The following SF3B1 variants were observed in gnomAD, a reference collection of about 807,000 sequenced individuals.
The protein encoded by SF3B1 is pre-mRNA processing 10.
Under a neutral mutation model 153.8 loss-of-function variants are expected in SF3B1, and 12 were observed. The observed-to-expected ratio is 0.08, with a 90% CI of 0.05 to 0.13. The LOEUF (loss-of-function observed/expected upper bound fraction) is 0.13, where lower values mean the gene tolerates loss of function less well. Among genes scored for constraint, SF3B1 ranks in the 10% least tolerant of loss-of-function variants. The pLI is 1.00. For missense variants in SF3B1, 513 were observed against 1,606.1 expected (o/e 0.32, Z 11.63); for synonymous variants, 498 against 525.2 (o/e 0.95, Z 0.71).
In SF3B1 at chr2:197,392,398, T is replaced by G; in HGVS notation, c.3820A>C (p.Ile1274Leu). The G allele has an allele frequency of 6.2e-7, 1 of 1,613,022 alleles. No homozygotes were observed. The highest frequency in any genetic ancestry group is 1.3e-5 in the African/African-American group (1 of 74,998). ...GCTATGAGAGCGTCCTGGGAACCAA[T>G]GTAGATGGAGTTGTAAATTTTCCAA... ...VYWKIYNSIY[I>L]GSQDALIAHY... Residue 1274 changes from isoleucine (I) to leucine (L), a missense_variant, in exon 25 of 25, where the codon ATT becomes CTT. By Grantham distance (5) the Ile-to-Leu change is conservative. Around this residue, in one of 21 missense-constraint regions of SF3B1, gnomAD observed 33 missense variants for 43.5 expected, o/e 0.76. Coordinates refer to ENST00000335508, the MANE Select transcript of SF3B1 (RefSeq NM_012433.4).
intron 1 of SF3B1, among the ~76,000 whole-genome samples, chr2:197,430,963 A>AT (rs1057089987): frequency 2.0e-5 from 3 of 152,146 alleles, no homozygotes; most frequent in Non-Finnish European, 4.4e-5. Context: ...GGCCTCCTGT[A>AT]TTTTAAAACT....
chr2:197,398,558 T>C lies in SF3B1; in HGVS notation c.3037A>G (p.Ile1013Val). 6.2e-7 allele frequency: 1 copy of C among 1,613,498 alleles called. No individual in the cohort carries two copies. The change falls in exon 21 of 25, where the codon ATT becomes GTT. Residue 1013 changes from isoleucine to valine, a missense_variant. Ile to Val is a conservative substitution (Grantham distance 29). Around this residue, in one of 21 missense-constraint regions of SF3B1, gnomAD observed 17 missense variants for 246.2 expected, o/e 0.07. Transcript: ENST00000335508. ...GTGAGTCTAGGCAGCAGATCTTTAATTGGTGGAGTCATCTTATGCATACCT... is the reference window on the plus strand; with the variant it reads ...GTGAGTCTAGGCAGCAGATCTTTAACTGGTGGAGTCATCTTATGCATACCT... The part of the protein sequence containing the change: ...VIGMHKMTPP[I>V]KDLLPRLTPI...
chr2:197,407,225 G>A (rs867477296), intron 9 of SF3B1, among the ~76,000 whole-genome samples: 5 of 152,072 alleles, frequency 3.3e-5, no homozygotes, highest in South Asian at 4.1e-4. Context: ...TCAGCTATAC[G>A]ACCACAGACT....
intron 20 of SF3B1, among the ~76,000 whole-genome samples, chr2:197,399,278 T>C (rs780475742): frequency 2.0e-5 from 3 of 152,196 alleles, no homozygotes; most frequent in Non-Finnish European, 2.9e-5. Flanking sequence ...AGTTTAAACA[T>C]GTGTATCGCA....
intron 5 of SF3B1, among the ~76,000 whole-genome samples, chr2:197,417,986 A>G (rs971870666): frequency 1.3e-5 from 2 of 151,878 alleles, no homozygotes; most frequent in African/African-American, 4.8e-5. Context: ...CTGTAATCCC[A>G]GCACTTTGGC....
intron 9 of SF3B1, 64 bp from the exon 10 acceptor site, chr2:197,405,536 T>C: frequency 8.8e-7 from 1 of 1,136,404 alleles, no homozygotes; most frequent in Non-Finnish European, 1.3e-6. Flanking sequence ...ATGAACAATA[T>C]TTGCACTTAA....
intron 1 of SF3B1, among the ~76,000 whole-genome samples, chr2:197,430,657 T>C (rs1463685684): frequency 6.6e-6 from 1 of 152,226 alleles, no homozygotes; most frequent in East Asian, 1.9e-4. Context: ...TTTCACCATG[T>C]TGATCAAGCT....
chr2:197,401,937 C>T lies in SF3B1; in HGVS notation c.2223+48G>A, dbSNP rs10193750. 5,337 of 1,594,004 alleles carry T rather than the reference C, an allele frequency of 3.3e-3. 137 individuals are homozygous for T. In the African/African-American group the frequency reaches 0.06, roughly 18 times the overall value. ...GTACTTTAGTAATTTAGATTTATGT[C>T]GCCTTAACTTTAATGAAGATAAATC... On this transcript the variant is annotated intron_variant, in intron 15 of 24. Coordinates refer to ENST00000335508, the MANE Select transcript of SF3B1 (RefSeq NM_012433.4). This position sits in a 1 kb window ranked among gnomAD's most constrained non-coding sequence, Gnocchi z 4.2.
rs1559268806 is a variant in SF3B1 at position 197,408,482 on chromosome 2, T to A, written c.1004A>T (p.Lys335Ile). The change falls in exon 8 of 25, where the codon AAA becomes ATA. Residue 335 changes from lysine to isoleucine, a missense_variant. Lys to Ile is a moderately radical substitution (Grantham distance 102). Around this residue, in one of 21 missense-constraint regions of SF3B1, gnomAD observed 91 missense variants for 157.4 expected, o/e 0.58. Coordinates refer to ENST00000335508, the MANE Select transcript of SF3B1 (RefSeq NM_012433.4). ...AGCTGGTGTTTCATCCCACCGTGAT[T>A]TTCTTTTACTGGCTCCAGGAGTCGG... ...ETPTPGASKR[K>I]SRWDETPASQ... is the part of the protein sequence containing the mutation. 6.2e-7 allele frequency: 1 copy of A among 1,613,926 alleles called. No individual in the cohort carries two copies. Among genetic ancestry groups the A allele is most frequent in the Non-Finnish European group, 8.5e-7 (1 of 1,180,040 alleles).
In SF3B1 at chr2:197,400,203, TACATTAA is replaced by T. The variant is rs747810184; in HGVS notation, c.2901+42_2902-38del. 4 of 1,607,162 alleles carry T rather than the reference TACATTAA, an allele frequency of 2.5e-6. No homozygotes were observed. Among genetic ancestry groups the T allele is most frequent in the Non-Finnish European group, 2.6e-6 (3 of 1,174,136 alleles). ...CAAATAATGTTAAAATGTTACTATT[TACATTAA>T]ACTATTTGGGGAAGAAGTAAGAATT... is the stretch of plus-strand genomic sequence containing the variant. On this transcript the variant is annotated intron_variant, in intron 19 of 24. Coordinates refer to ENST00000335508, the MANE Select transcript of SF3B1 (RefSeq NM_012433.4). This position sits in a 1 kb window ranked among gnomAD's most constrained non-coding sequence, Gnocchi z 5.0.
At chr2:197,416,702 A>T (rs762249018) in intron 6 of SF3B1, 39 bp downstream of exon 6, 8 of 1,583,048 alleles carry the variant, frequency 5.1e-6, no homozygotes, top group African/African-American at 2.7e-5. Context: ...ACAGAAAAAA[A>T]TTTTTTAACA....
intron 1 of SF3B1, among the ~76,000 whole-genome samples, chr2:197,429,311 A>G (rs966854728): frequency 5.3e-5 from 8 of 152,186 alleles, no homozygotes; most frequent in Admixed American, 1.3e-4. Flanking sequence ...AAATATTCCA[A>G]TTTCCACACT....
chr2:197,403,277 T>C (rs941953841), intron 12 of SF3B1, among the ~76,000 whole-genome samples: 3 of 152,322 alleles, frequency 2.0e-5, no homozygotes. Flanking sequence ...ATACACCCTA[T>C]GAACATACTG....
At position 197,401,918 on chromosome 2, in the gene SF3B1, T is replaced by G; in HGVS notation, c.2224-30A>C. The G allele has an allele frequency of 6.3e-7, 1 of 1,588,380 alleles. No individual in the cohort carries two copies. The highest frequency in any genetic ancestry group is 8.5e-7 in the Non-Finnish European group (1 of 1,170,698). ...TTTTAAATAAAAAATATATGTACTT[T>G]AGTAATTTAGATTTATGTCGCCTTA... On this transcript the variant is annotated intron_variant, in intron 15 of 24. Coordinates refer to ENST00000335508, the MANE Select transcript of SF3B1 (RefSeq NM_012433.4). The surrounding 1 kb of genome is among the most constrained non-coding windows in gnomAD (Gnocchi z 4.2).
chr2:197,420,604 A>C (rs2085224933), intron 3 of SF3B1, 62 bp from the exon 4 acceptor site: 2 of 1,118,072 alleles, frequency 1.8e-6, no homozygotes, highest in African/African-American at 3.1e-5. Context: ...AGAATATCAT[A>C]AACAAAAATC....
At chr2:197,431,028 G>A (rs562866855) in intron 1 of SF3B1, among the ~76,000 whole-genome samples, 2 of 151,234 alleles carry the variant, frequency 1.3e-5, no homozygotes, top group African/African-American at 4.9e-5. Flanking sequence ...GATAGCAGAA[G>A]GTCACATCTG....
At chr2:197,399,910 TC>T (rs2105981150) in intron 20 of SF3B1, 144 bp downstream of exon 20, 2 of 613,486 alleles carry the variant, frequency 3.3e-6, no homozygotes, top group Admixed American at 3.2e-5. Flanking sequence ...TTTTGTGACA[TC>T]CCCCGACTTA....
At position 197,401,596 on chromosome 2, in the gene SF3B1, G is replaced by A. The variant is rs909388581; in HGVS notation, c.2371-71C>T. On this transcript the variant is annotated intron_variant, in intron 16 of 24. Transcript: ENST00000335508. The surrounding 1 kb of genome is among the most constrained non-coding windows in gnomAD (Gnocchi z 4.2). ...GAAGAGAATACTCATTGCTGATTACGTGATTTTAAAAAATAAAATTTAAAA... is the reference window on the plus strand; with the variant it reads ...GAAGAGAATACTCATTGCTGATTACATGATTTTAAAAAATAAAATTTAAAA... The A allele has an allele frequency of 6.6e-5, 99 of 1,499,454 alleles. 2 individuals are homozygous for A. The Admixed American group carries it at 7.4e-4, about 11-fold the overall frequency. The allele number at this position is 1,499,454 out of a possible 1,614,324, so 92.9% of individuals were successfully genotyped here. A position where few individuals can be genotyped will look rare whatever the true frequency, so the allele number is the denominator to read the frequency against.
At chr2:197,394,125 A>G (rs2105975815) in intron 23 of SF3B1, among the ~76,000 whole-genome samples, 1 of 152,196 alleles carries the variant, frequency 6.6e-6, no homozygotes, top group African/African-American at 2.4e-5. Context: ...TGGAGGTTGC[A>G]GTGAGTCGAG....
Sources: allele counts gnomAD v4.1 joint callset (sites outside exome capture counted in the v4.1 genomes callset), GRCh38; gene constraint gnomAD v4.1.1; regional missense constraint gnomAD v4.1.1; non-coding constraint Gnocchi (gnomAD v3.1); transcripts MANE v1.5; gene names NCBI Gene and HGNC (gene_info 2026-07-23, HGNC 2026-07-21).